The following ERAP1 variants were observed in gnomAD, a reference collection of about 807,000 sequenced individuals.
ERAP1 encodes endoplasmic reticulum aminopeptidase 1, also known as adipocyte-derived leucine aminopeptidase.
In ERAP1, 86 loss-of-function variants were observed where a neutral mutation model predicts 103.7. That is an observed-to-expected ratio of 0.83 (90% CI 0.70 to 0.99). ERAP1 has a LOEUF of 0.99. Among genes scored for constraint, ERAP1 ranks in the 50% least tolerant of loss-of-function variants. The probability of loss-of-function intolerance (pLI) is 0.00; values close to 1 mark genes in which losing one functional copy is unlikely to be tolerated. For missense variants in ERAP1, 1,009 were observed against 1,128.4 expected, an observed-to-expected ratio of 0.89 and a Z score of 1.52; for synonymous variants, 398 against 402.4, an observed-to-expected ratio of 0.99 and a Z score of 0.13.
Position 96,798,324 on chromosome 5 carries a change from C to CAAAA in ERAP1, c.664-1019_664-1016dup, listed in dbSNP as rs3076633. The stretch of plus-strand genomic sequence containing the variant: ...TGGATGACAGAGCGAGACTCCATCT[C>CAAAA]AAAAAAAAAAAAAAAAAAAGATTTG... On this transcript the variant is annotated intron_variant, in intron 3 of 18. Transcript: ENST00000443439. 5.1e-3 allele frequency among the ~76,000 whole-genome samples: 390 copies of CAAAA among 76,174 alleles called. 22 individuals carry two copies. The highest frequency in any genetic ancestry group is 7.2e-3 in the Middle Eastern group (1 of 138). The allele number at this position is 76,174 out of a possible 152,430, so 50.0% of individuals were successfully genotyped here.
In ERAP1 at chr5:96,798,579, A is replaced by AT. The variant is rs1777621771; in HGVS notation, c.664-1271dup. Among the ~76,000 whole-genome samples, 14 of 77,334 alleles carry AT rather than the reference A, an allele frequency of 1.8e-4. No homozygotes were observed. In the South Asian group the frequency reaches 5.4e-3, roughly 30 times the overall value. 50.7% of individuals were successfully genotyped at this position (77,334 alleles called of 152,430 possible). On this transcript the variant is annotated intron_variant, in intron 3 of 18. Transcript: ENST00000443439. ...TACTTACCTCTATTGCTCTGACCTC[A>AT]TCTTTTTTTTTTGTTTTGAGAGATA... is the stretch of plus-strand genomic sequence containing the variant.
intron 6 of ERAP1, 31 bp from the exon 7 acceptor site, chr5:96,793,544 A>C: frequency 6.6e-7 from 1 of 1,505,020 alleles, no homozygotes; most frequent in Admixed American, 1.7e-5. Flanking sequence ...ATAAACAAAG[A>C]CACTCAGAAA....
the ERAP1 span, chr5:96,823,133 A>C: frequency 2.2e-6 from 1 of 456,188 alleles, no homozygotes; most frequent in Admixed American, 2.3e-5. Flanking sequence ...TCCTCAAGGA[A>C]GCAAGGGAGA....
the ERAP1 span, chr5:96,913,515 A>G: frequency 6.4e-7 from 1 of 1,565,066 alleles, no homozygotes. Context: ...CAGTTGCCTC[A>G]AACCAAGTGT....
the ERAP1 span, among the ~76,000 whole-genome samples, chr5:96,932,839 T>C: frequency 1.3e-5 from 2 of 152,230 alleles, no homozygotes; most frequent in Non-Finnish European, 2.9e-5. Flanking sequence ...TAATTAACTC[T>C]CCAAATTAAT....
At chr5:96,927,550 A>ATG in the ERAP1 span, among the ~76,000 whole-genome samples, 1 of 150,446 alleles carries the variant, frequency 6.6e-6, no homozygotes, top group African/African-American at 2.4e-5. Flanking sequence ...GCAGTGGCGC[A>ATG]ATCTCGGCTC....
At chr5:96,913,576 T>TA in the ERAP1 span, 2 of 1,211,144 alleles carry the variant, frequency 1.7e-6, no homozygotes, top group Non-Finnish European at 2.4e-6. Flanking sequence ...ATCCAAATAG[T>TA]TCAGTGGAGT....
chr5:96,912,614 C>T, the ERAP1 span: 1 of 1,568,036 alleles, frequency 6.4e-7, no homozygotes, highest in Non-Finnish European at 8.6e-7. Context: ...ACTTTTTCTT[C>T]ATTTTTATGC....
At chr5:96,916,456 C>CTTTTTTTTTTTTTTTTTTTTTTTTTT in the ERAP1 span, among the ~76,000 whole-genome samples, 1 of 97,640 alleles carries the variant, frequency 1.0e-5, no homozygotes, top group Non-Finnish European at 1.9e-5. Flanking sequence ...TTCTAGTTAT[C>CTTTTTTTTTTTTTTTTTTTTTTTTTT]TTTTTTTTTT....
At chr5:96,839,482 C>G in the ERAP1 span, among the ~76,000 whole-genome samples, 1 of 152,246 alleles carries the variant, frequency 6.6e-6, no homozygotes. Flanking sequence ...TCTAATTACT[C>G]AGAAACTTCT....
intron 19 of ERAP1, chr5:96,767,799 TTTTTTCTTATAGAAACATCTTTTATTTG>T: frequency 1.4e-6 from 1 of 694,084 alleles, no homozygotes; most frequent in Non-Finnish European, 2.5e-6. Flanking sequence ...GTCAGTCAGT[TTTTTTCTTATAGAAACATCTTTTATTTG>T]TAAGTGATGT....
At chr5:96,804,479 C>T (rs933070649) in intron 1 of ERAP1, 1 of 176,156 alleles carries the variant, frequency 5.7e-6, no homozygotes, top group South Asian at 1.2e-4. Flanking sequence ...TCTCCACTTC[C>T]CCTGTAAGTA....
the ERAP1 span, among the ~76,000 whole-genome samples, chr5:96,905,593 A>C: frequency 6.6e-6 from 1 of 152,204 alleles, no homozygotes; most frequent in South Asian, 2.1e-4. Flanking sequence ...CAATTTAAGA[A>C]TTAAAGGAGG....
chr5:96,858,457 A>C, the ERAP1 span, among the ~76,000 whole-genome samples: 1 of 152,146 alleles, frequency 6.6e-6, no homozygotes, highest in African/African-American at 2.4e-5. Flanking sequence ...TTGGCCTCCC[A>C]AAGTGCTGGA....
At position 96,788,790 on chromosome 5, in the gene ERAP1, C is replaced by T. The variant is rs114256808; in HGVS notation, c.1525-105G>A. Reference sequence around the variant, plus strand: ...AACAGCCGCTACCAGTTGCCAACCTCCCCTCTTAGGAGCACTTTCTGATCC... The same window carrying T: ...AACAGCCGCTACCAGTTGCCAACCTTCCCTCTTAGGAGCACTTTCTGATCC... On this transcript the variant is annotated intron_variant, in intron 10 of 18. Coordinates refer to ENST00000443439, the MANE Select transcript of ERAP1 (RefSeq NM_001040458.3). 2,607 of 1,414,836 alleles carry T rather than the reference C, an allele frequency of 1.8e-3. 39 individuals are homozygous for T. The African/African-American group carries it at 0.033, about 18-fold the overall frequency. The allele number at this position is 1,414,836 out of a possible 1,614,324, so 87.6% of individuals were successfully genotyped here.
intron 8 of ERAP1, 114 bp from the exon 9 acceptor site, chr5:96,790,757 T>C (rs1297270147): frequency 1.1e-6 from 1 of 936,480 alleles, no homozygotes; most frequent in Non-Finnish European, 1.7e-6. Context: ...GCAGGAACAC[T>C]GTTAATGTCT....
chr5:96,922,248 AG>A, the ERAP1 span, among the ~76,000 whole-genome samples: 14 of 152,358 alleles, frequency 9.2e-5, no homozygotes, highest in East Asian at 2.7e-3. Flanking sequence ...CAGTGAGCCG[AG>A]ATCAGGCCAC....
chr5:96,809,821 G>A (rs1415758767), upstream of ERAP1, among the ~76,000 whole-genome samples: 4 of 152,034 alleles, frequency 2.6e-5, no homozygotes, highest in African/African-American at 7.2e-5. Flanking sequence ...GCATTTCTTT[G>A]CTTTTATATT....
chr5:96,899,289 TC>T, the ERAP1 span, among the ~76,000 whole-genome samples: 3 of 152,020 alleles, frequency 2.0e-5, no homozygotes, highest in Non-Finnish European at 4.4e-5. Flanking sequence ...TTAAGAAAAG[TC>T]CCCCATCAAT....
Sources: allele counts gnomAD v4.1 joint callset (sites outside exome capture counted in the v4.1 genomes callset), GRCh38; gene constraint gnomAD v4.1.1; transcripts MANE v1.5; gene names NCBI Gene and HGNC (gene_info 2026-07-23, HGNC 2026-07-21).